VSIG8: variants seen among roughly 807,000 people sequenced by gnomAD.
The protein encoded by VSIG8 is V-set and immunoglobulin domain containing 8.
A neutral mutation model predicts 42.6 loss-of-function variants in VSIG8; 32 were observed. The observed-to-expected ratio is 0.75, with a 90% CI of 0.57 to 1.01. The LOEUF is 1.01. Ranked by LOEUF, VSIG8 falls within the 50% of genes least tolerant of loss-of-function variation. The pLI, the probability that VSIG8 is intolerant of heterozygous loss-of-function variation, is 0.00. For synonymous variants in VSIG8, 290 were observed against 243.8 expected, an observed-to-expected ratio of 1.19 and a Z score of -1.77; for missense variants, 529 against 558.0, an observed-to-expected ratio of 0.95 and a Z score of 0.52.
At position 159,855,883 on chromosome 1, in the gene VSIG8, C is replaced by G; in HGVS notation, c.971G>C (p.Arg324Thr). The G allele has an allele frequency of 1.3e-6, 2 of 1,557,350 alleles. No homozygotes were observed. The highest frequency in any genetic ancestry group is 1.7e-6 in the Non-Finnish European group (2 of 1,157,794). The change falls in exon 6 of 7, where the codon AGA (arginine) becomes ACA (threonine). Residue 324 changes from arginine to threonine, a missense_variant and splice_region_variant. Coordinates refer to ENST00000368100, the MANE Select transcript of VSIG8 (RefSeq NM_001013661.1). ...GACGDLASEI[R>T]EDAVAPGCKA... ...GCATGCAGCATGCATCAGGTTTTAC[C>G]TGATCTCACTAGCCAAGTCGCCGCA...
rs756726392 is a variant in VSIG8, at chr1:159,858,227, C to T, written c.293G>A (p.Arg98His). Reference sequence around the variant, plus strand: ...CTGGCTTGGGTCTGAGGCTGCAAAGCGGACCCTCTGCTGCAGATGGGGAAG... The same window carrying T: ...CTGGCTTGGGTCTGAGGCTGCAAAGTGGACCCTCTGCTGCAGATGGGGAAG... ...GSLPHLQQRV[R>H]FAASDPSQYD... Residue 98 changes from arginine (R) to histidine (H), a missense_variant, in exon 3 of 7, where the codon CGC becomes CAC. Arg to His is a conservative substitution (Grantham distance 29). Transcript: ENST00000368100. 1.8e-5 allele frequency: 29 copies of T among 1,614,216 alleles called. No individual in the cohort carries two copies. Among genetic ancestry groups the T allele is most frequent in the Middle Eastern group, 1.6e-4 (1 of 6,062 alleles).
At chr1:159,859,953 G>A (rs558236957) in intron 1 of VSIG8, among the ~76,000 whole-genome samples, 2 of 152,078 alleles carry the variant, frequency 1.3e-5, no homozygotes, top group African/African-American at 4.8e-5. Flanking sequence ...CAACCGGTTG[G>A]ACCTAGAGAG....
At chr1:159,855,815 C>T (rs901182611) in intron 6 of VSIG8, 68 bp downstream of exon 6, 2 of 1,475,426 alleles carry the variant, frequency 1.4e-6, no homozygotes, top group African/African-American at 1.5e-5. Flanking sequence ...CGGTGGCAGG[C>T]AGGAGTGAGG....
Position 159,855,941 on chromosome 1 carries a change from A to G in VSIG8, c.913T>C (p.Tyr305His). 1.3e-6 allele frequency: 2 copies of G among 1,574,282 alleles called. No individual in the cohort carries two copies. The highest frequency in any genetic ancestry group is 1.7e-6 in the Non-Finnish European group (2 of 1,160,610). ...CCGCCGACCCCGCCGCCGTTGCCGT[A>G]GCCGAAGGCACCGCGGGCGCCGCCA... ...GAGGARGAFG[Y>H]GNGGGVGGGA... The change falls in exon 6 of 7, where the codon TAC becomes CAC. Residue 305 changes from tyrosine (Y) to histidine (H), a missense_variant. Transcript: ENST00000368100.
At chr1:159,855,153 T>G in intron 6 of VSIG8, 127 bp from the exon 7 acceptor site, 1 of 1,551,636 alleles carries the variant, frequency 6.4e-7, no homozygotes, top group South Asian at 1.2e-5. Flanking sequence ...TGCCCTCGTC[T>G]CTCTCCCTCG....
In VSIG8 at chr1:159,858,796, T is replaced by G; in HGVS notation, c.166A>C (p.Asn56His). The change falls in exon 2 of 7, where the codon AAT becomes CAT. Residue 56 changes from asparagine to histidine, a missense_variant. By Grantham distance (68) the Asn-to-His change is moderately conservative. Coordinates refer to ENST00000368100, the MANE Select transcript of VSIG8 (RefSeq NM_001013661.1). ...YVLDPEDYGP[N>H]GLDIEWMQVN... is the part of the protein sequence containing the mutation. ...TGCATCCACTCGATGTCCAGCCCATTGGGACCATAGTCCTCAGGGTCCAGG... is the reference window on the plus strand; with the variant it reads ...TGCATCCACTCGATGTCCAGCCCATGGGGACCATAGTCCTCAGGGTCCAGG... 1 of 1,614,010 alleles carries G rather than the reference T, an allele frequency of 6.2e-7. No individual in the cohort carries two copies. Among genetic ancestry groups the G allele is most frequent in the East Asian group, 2.2e-5 (1 of 44,870 alleles).
rs200899435 is a variant in VSIG8, at chr1:159,858,886, C to G, written c.76G>C (p.Gly26Arg). 9 of 1,613,712 alleles carry G rather than the reference C, an allele frequency of 5.6e-6. No homozygotes were observed. In the South Asian group the frequency reaches 6.6e-5, roughly 12 times the overall value. ...PALLSAVRINGDGQEVLYLAE... is the reference protein window; with the variant it reads ...PALLSAVRINRDGQEVLYLAE... Reference sequence around the variant, plus strand: ...AGGTACAGGACCTCCTGTCCATCCCCGTTGATCCGCACAGCAGACAGCAGT... The same window carrying G: ...AGGTACAGGACCTCCTGTCCATCCCGGTTGATCCGCACAGCAGACAGCAGT... The change falls in exon 2 of 7, where the codon GGG becomes CGG. Residue 26 changes from glycine to arginine, a missense_variant. Gly to Arg is a moderately radical substitution (Grantham distance 125, BLOSUM62 -2). Coordinates refer to ENST00000368100, the MANE Select transcript of VSIG8 (RefSeq NM_001013661.1).
Position 159,854,613 on chromosome 1 carries a change from T to G in VSIG8, c.*140A>C. Reference sequence around the variant, plus strand: ...GGCTCTGCCTCCCTACGCATTTCCTTAGGGAAATGCCTTCACCCCCAGCCG... The same window carrying G: ...GGCTCTGCCTCCCTACGCATTTCCTGAGGGAAATGCCTTCACCCCCAGCCG... On this transcript the variant is annotated 3_prime_UTR_variant, in exon 7 of 7. Transcript: ENST00000368100. 3.8e-6 allele frequency: 5 copies of G among 1,318,540 alleles called. No individual in the cohort carries two copies. The highest frequency in any genetic ancestry group is 1.9e-6 in the Non-Finnish European group (2 of 1,032,704). The allele number at this position is 1,318,540 out of a possible 1,614,324, so 81.7% of individuals were successfully genotyped here.
At chr1:159,858,026 A>G in intron 3 of VSIG8, 60 bp from the exon 4 acceptor site, 1 of 1,612,240 alleles carries the variant, frequency 6.2e-7, no homozygotes. Flanking sequence ...CCAGGCTCAA[A>G]GTGGCCAAGC....
chr1:159,855,457 A>G lies in VSIG8; in HGVS notation c.971+426T>C, dbSNP rs1648785323. The G allele has an allele frequency of 7.8e-6, 11 of 1,414,080 alleles. No individual in the cohort carries two copies. The South Asian group carries it at 1.6e-4, about 20-fold the overall frequency. 87.6% of individuals were successfully genotyped at this position (1,414,080 alleles called of 1,614,324 possible). On this transcript the variant is annotated intron_variant, in intron 6 of 6. Coordinates refer to ENST00000368100, the MANE Select transcript of VSIG8 (RefSeq NM_001013661.1). Reference sequence around the variant, plus strand: ...TTCCCTCCATCCCCGAGGCATTGCAATCATTAGCACTACTAGACTTGTTCT... The same window carrying G: ...TTCCCTCCATCCCCGAGGCATTGCAGTCATTAGCACTACTAGACTTGTTCT...
chr1:159,855,126 C>G, intron 6 of VSIG8, 100 bp from the exon 7 acceptor site: 1 of 1,551,368 alleles, frequency 6.4e-7, no homozygotes, highest in Non-Finnish European at 8.7e-7. Context: ...CTCTTGTCTC[C>G]CGCGCCTCCC....
chr1:159,859,335 G>C (rs1258165040), intron 1 of VSIG8, among the ~76,000 whole-genome samples: 1 of 152,190 alleles, frequency 6.6e-6, no homozygotes, highest in Admixed American at 6.5e-5. Flanking sequence ...GGTACACACA[G>C]AGTTGTTAAA....
intron 2 of VSIG8, 23 bp from the exon 3 acceptor site, chr1:159,858,314 G>C: frequency 6.2e-7 from 1 of 1,613,882 alleles, no homozygotes; most frequent in South Asian, 1.1e-5. Context: ...GAGGAAAACA[G>C]GTGGTGAAAC....
intron 6 of VSIG8, 150 bp downstream of exon 6, chr1:159,855,733 C>T: frequency 7.3e-7 from 1 of 1,374,660 alleles, no homozygotes; most frequent in Non-Finnish European, 9.4e-7. Context: ...AGTTGGGTGG[C>T]AGGTCGACAT....
chr1:159,857,700 G>T (rs774842804), intron 4 of VSIG8, 45 bp downstream of exon 4: 1 of 1,549,842 alleles, frequency 6.5e-7, no homozygotes, highest in South Asian at 1.1e-5. Flanking sequence ...CAGAGTCCCT[G>T]ATCTTCCACT....
chr1:159,857,761 G>A lies in VSIG8; in HGVS notation c.636C>T (p.His212=). ...CCCTCTCACCTTGGTTTATGGAGCT[G>A]TGGAAGGACTCCTGGTAGGACAGCT... is the stretch of plus-strand genomic sequence containing the variant. ...HSELSYQESF[H]SSINQGLNNG... The change falls in exon 4 of 7, where the codon CAC becomes CAT. Residue 212 remains histidine, a synonymous_variant. Coordinates refer to ENST00000368100, the MANE Select transcript of VSIG8 (RefSeq NM_001013661.1). The A allele has an allele frequency of 6.2e-7, 1 of 1,614,094 alleles. No homozygotes were observed. The highest frequency in any genetic ancestry group is 2.2e-5 in the East Asian group (1 of 44,876).
intron 6 of VSIG8, chr1:159,855,539 CT>C: frequency 1.0e-6 from 1 of 985,240 alleles, no homozygotes; most frequent in Non-Finnish European, 1.2e-6. Flanking sequence ...TTATTATTAG[CT>C]CTTCTTAAAT....
chr1:159,855,700 G>A (rs1648792508), intron 6 of VSIG8, 183 bp downstream of exon 6: 1 of 942,594 alleles, frequency 1.1e-6, no homozygotes, highest in Non-Finnish European at 1.3e-6. Context: ...AGACTGGGGT[G>A]GCAGGGGGAG....
intron 5 of VSIG8, 163 bp from the exon 6 acceptor site, chr1:159,856,244 G>A: frequency 1.3e-6 from 1 of 783,054 alleles, no homozygotes; most frequent in Admixed American, 2.8e-5. Flanking sequence ...ATGGGGAGAT[G>A]CAAGTTAACC....
Sources: allele counts gnomAD v4.1 joint callset (sites outside exome capture counted in the v4.1 genomes callset), GRCh38; gene constraint gnomAD v4.1.1; transcripts MANE v1.5; gene names NCBI Gene and HGNC (gene_info 2026-07-23, HGNC 2026-07-21).